RHPN1: variants seen among roughly 807,000 people sequenced by gnomAD.
RHPN1 encodes the protein rhophilin-1.
In RHPN1, 77 loss-of-function variants were observed where a neutral mutation model predicts 74.7. The ratio of observed to expected loss-of-function variants is 1.03; its 90% confidence interval spans 0.86 to 1.25. The LOEUF is 1.25. Ranked by LOEUF, RHPN1 falls within the 50% of genes most tolerant of loss-of-function variation. The pLI is 0.00. For missense variants in RHPN1, 987 were observed against 932.2 expected, an observed-to-expected ratio of 1.06 and a Z score of -0.77; for synonymous variants, 444 against 414.5, an observed-to-expected ratio of 1.07 and a Z score of -0.87.
chr8:143,379,178 C>T, intron 7 of RHPN1, 100 bp downstream of exon 7: 2 of 1,393,376 alleles, frequency 1.4e-6, no homozygotes, highest in South Asian at 3.0e-5. Flanking sequence ...GGACATCAGT[C>T]CCTCAGGTAG....
chr8:143,380,674 C>G lies in RHPN1; in HGVS notation c.1302C>G (p.Asp434Glu). 1 of 1,577,854 alleles carries G rather than the reference C, an allele frequency of 6.3e-7. No individual in the cohort carries two copies. Among genetic ancestry groups the G allele is most frequent in the Non-Finnish European group, 8.6e-7 (1 of 1,162,534 alleles). Residue 434 changes from aspartate to glutamate, a missense_variant, in exon 11 of 15, where the codon GAC (aspartate) becomes GAG (glutamate). Transcript: ENST00000289013. ...TGTGCCGCGTCCTGCGCGAGGTGGA[C>G]CTGCTTCGGGCTGTGATCTCCCAGA... ...HALCRVLREV[D>E]LLRAVISQTL... is the part of the protein sequence containing the mutation.
At chr8:143,382,088 C>G in intron 14 of RHPN1, 120 bp downstream of exon 14, 2 of 1,009,374 alleles carry the variant, frequency 2.0e-6, no homozygotes, top group African/African-American at 3.2e-5. Flanking sequence ...GGTAACCCTC[C>G]CTGGGCCGCC....
At chr8:143,366,094 T>C (rs1377750521), upstream of RHPN1, among the ~76,000 whole-genome samples, 2 of 151,536 alleles carry the variant, frequency 1.3e-5, no homozygotes, top group Non-Finnish European at 2.9e-5. Context: ...AGCTCAGAAG[T>C]TCAAGACCAG....
chr8:143,372,614 C>T (rs1023526262), intron 1 of RHPN1, among the ~76,000 whole-genome samples: 11 of 151,728 alleles, frequency 7.2e-5, no homozygotes, highest in South Asian at 2.1e-4. Context: ...TCCATCCCTC[C>T]GGCCGCCTGT....
chr8:143,370,364 C>T (rs1178812191), intron 1 of RHPN1, among the ~76,000 whole-genome samples: 1 of 152,196 alleles, frequency 6.6e-6, no homozygotes, highest in Non-Finnish European at 1.5e-5. Flanking sequence ...GAGGCAGGCC[C>T]TGTGTCACAC....
upstream of RHPN1, chr8:143,366,853 T>C (rs1586793928): frequency 3.3e-5 from 5 of 152,228 alleles, no homozygotes; most frequent in Admixed American, 6.5e-5. Flanking sequence ...CCTGTACACA[T>C]AGCTGACTCT....
At chr8:143,378,180 T>A (rs1818412487) in intron 4 of RHPN1, 89 bp from the exon 5 acceptor site, 1 of 1,098,354 alleles carries the variant, frequency 9.1e-7, no homozygotes, top group African/African-American at 1.6e-5. Context: ...CCCTCCACCA[T>A]GAGTCTTTTC....
In RHPN1 at chr8:143,377,385, C is replaced by T. The variant is rs1818353010; in HGVS notation, c.311C>T (p.Ala104Val). ...GTCGATGCTTCTGGTTACAGCGAAG[C>T]TGTCACTGTCCCCATGATCCCCCTG... Reference protein sequence around the residue: ...GVDPGRHGSEAVTVPMIPLGL... With the variant: ...GVDPGRHGSEVVTVPMIPLGL... The change falls in exon 4 of 15, where the codon GCT becomes GTT. Residue 104 changes from alanine (A) to valine (V), a missense_variant. Ala to Val is a moderately conservative substitution (Grantham distance 64). Transcript: ENST00000289013. 2 of 1,612,772 alleles carry T rather than the reference C, an allele frequency of 1.2e-6. No individual in the cohort carries two copies. Among genetic ancestry groups the T allele is most frequent in the African/African-American group, 1.3e-5 (1 of 74,892 alleles).
chr8:143,379,242 G>T (rs893821992), intron 7 of RHPN1, 73 bp from the exon 8 acceptor site: 2 of 1,448,958 alleles, frequency 1.4e-6, no homozygotes, highest in Non-Finnish European at 1.8e-6. Flanking sequence ...CTAGCTGGCC[G>T]CCCTGAGTGC....
intron 1 of RHPN1, among the ~76,000 whole-genome samples, chr8:143,372,671 A>T (rs1288843636): frequency 6.7e-6 from 1 of 149,832 alleles, no homozygotes; most frequent in South Asian, 2.1e-4. Flanking sequence ...CAGTTCAGGG[A>T]CCTCCGTCAG....
chr8:143,378,862 C>T (rs760230384), intron 6 of RHPN1, 42 bp downstream of exon 6: 2 of 1,570,682 alleles, frequency 1.3e-6, no homozygotes, highest in African/African-American at 2.7e-5. Context: ...GAGGGGAGGC[C>T]CAGCTGCGGG....
intron 1 of RHPN1, chr8:143,374,187 G>A (rs149554269): frequency 6.1e-6 from 6 of 985,352 alleles, no homozygotes; most frequent in Non-Finnish European, 6.0e-6. Flanking sequence ...CGGGGAAGAC[G>A]GGAAGGCCTG....
Position 143,368,926 on chromosome 8 carries a change from G to T in RHPN1, c.-62G>T. ...TGCGGGCGGCCCTAGCCCGGCTGCG[G>T]AGCGCTGCGCGAGCGGCGGGCTGGC... is the stretch of plus-strand genomic sequence containing the variant. On this transcript the variant is annotated 5_prime_UTR_variant, in exon 1 of 15. Transcript: ENST00000289013. 7.4e-7 allele frequency: 1 copy of T among 1,348,446 alleles called. No individual in the cohort carries two copies. Among genetic ancestry groups the T allele is most frequent in the Non-Finnish European group, 9.7e-7 (1 of 1,035,498 alleles). 83.5% of individuals were successfully genotyped at this position (1,348,446 alleles called of 1,614,324 possible).
rs1817644675 is a variant in RHPN1, at chr8:143,368,886, C to T, written c.-102C>T. ...GGGACCGGCGCGGGCACTCAGGAGC[C>T]CGCGGCCCAGGTGGTGCGGGCGGCC... On this transcript the variant is annotated 5_prime_UTR_variant, in exon 1 of 15. Transcript: ENST00000289013. 4 of 861,414 alleles carry T rather than the reference C, an allele frequency of 4.6e-6. No homozygotes were observed. The Admixed American group carries it at 1.3e-4, about 29-fold the overall frequency. The allele number at this position is 861,414 out of a possible 1,614,324, so 53.4% of individuals were successfully genotyped here.
chr8:143,374,033 G>A (rs535522961), intron 1 of RHPN1: 2 of 760,594 alleles, frequency 2.6e-6, no homozygotes, highest in Non-Finnish European at 3.2e-6. Flanking sequence ...GGACGAGCAG[G>A]CCTTCTGTCT....
intron 1 of RHPN1, among the ~76,000 whole-genome samples, chr8:143,372,593 A>G (rs1487907747): frequency 6.6e-6 from 1 of 151,586 alleles, no homozygotes; most frequent in Non-Finnish European, 1.5e-5. Context: ...CCCTCCCTCC[A>G]GCTGCCTGTG....
Position 143,381,288 on chromosome 8 carries a change from G to C in RHPN1, c.1432G>C (p.Glu478Gln), listed in dbSNP as rs1818707351. The C allele has an allele frequency of 6.2e-7, 1 of 1,613,144 alleles. No homozygotes were observed. The highest frequency in any genetic ancestry group is 1.1e-5 in the South Asian group (1 of 90,964). ...DIQPKTHQKP[E>Q]ARMPRLSQGK... ...CTCAGCTAAGACCCACCAGAAGCCA[G>C]AGGCCAGGATGCCACGCCTGTCCCA... is the stretch of plus-strand genomic sequence containing the variant. The change falls in exon 12 of 15, where the codon GAG becomes CAG. Residue 478 changes from glutamate to glutamine, a missense_variant. Physicochemically the swap from Glu to Gln is conservative, Grantham distance 29 (BLOSUM62 2). Transcript: ENST00000289013.
rs1329226862 is a variant in RHPN1, at chr8:143,379,888, C to T, written c.1005C>T (p.Tyr335=). Residue 335 remains tyrosine, a synonymous_variant, in exon 9 of 15, where the codon TAC becomes TAT. Coordinates refer to ENST00000289013, the MANE Select transcript of RHPN1 (RefSeq NM_052924.3). The stretch of plus-strand genomic sequence containing the variant: ...TGGCCCAGCCACCCGTCCACGACTA[C>T]GTGCCTGTCTCCTGGACTGCCCTGG... ...RTMAQPPVHD[Y]VPVSWTALVH... 1 of 1,610,078 alleles carries T rather than the reference C, an allele frequency of 6.2e-7. No homozygotes were observed. Among genetic ancestry groups the T allele is most frequent in the Non-Finnish European group, 8.5e-7 (1 of 1,178,650 alleles).
intron 3 of RHPN1, among the ~76,000 whole-genome samples, chr8:143,376,870 A>ATATGTGCATTG (rs1554627558): frequency 1.6e-4 from 23 of 148,290 alleles, no homozygotes; most frequent in African/African-American, 5.5e-4. Context: ...CTGTGTGTAT[A>ATATGTGCATTG]TGTGTGTGCA....
Sources: allele counts gnomAD v4.1 joint callset (sites outside exome capture counted in the v4.1 genomes callset), GRCh38; gene constraint gnomAD v4.1.1; transcripts MANE v1.5; gene names NCBI Gene and HGNC (gene_info 2026-07-23, HGNC 2026-07-21).